Variants in JAZF1 observed in about 807,000 individuals in gnomAD.
JAZF1 encodes the protein JAZF zinc finger 1, also known as juxtaposed with another zinc finger protein 1.
A neutral mutation model predicts 26.4 loss-of-function variants in JAZF1; 8 were observed. The observed-to-expected ratio is 0.30, with a 90% CI of 0.18 to 0.55. The LOEUF (loss-of-function observed/expected upper bound fraction) is 0.55, where lower values mean the gene tolerates loss of function less well. Among genes scored for constraint, JAZF1 ranks in the 20% least tolerant of loss-of-function variants. The pLI is 0.94. For missense variants in JAZF1, 199 were observed against 322.0 expected (o/e 0.62, Z 2.92); for synonymous variants, 126 against 122.3 (o/e 1.03, Z -0.20).
At chr7:27,853,552 T>C (rs911658878) in intron 3 of JAZF1, among the ~76,000 whole-genome samples, 2 of 152,222 alleles carry the variant, frequency 1.3e-5, no homozygotes, top group African/African-American at 4.8e-5. Flanking sequence ...GACCCTGAAC[T>C]GAAATAAGCG....
intron 3 of JAZF1, among the ~76,000 whole-genome samples, chr7:27,853,081 C>T (rs73083352): frequency 0.075 from 11,467 of 152,246 alleles, 634 homozygotes; most frequent in Middle Eastern, 0.12. Flanking sequence ...CAGTCTTTGA[C>T]GTGGCATTTA....
chr7:28,142,091 A>T (rs1361899388), intron 1 of JAZF1, among the ~76,000 whole-genome samples: 1 of 152,236 alleles, frequency 6.6e-6, no homozygotes, highest in Non-Finnish European at 1.5e-5. Flanking sequence ...AATAAAATTA[A>T]TTTAAAAATA....
At chr7:28,105,427 A>G (rs1403798544) in intron 1 of JAZF1, among the ~76,000 whole-genome samples, 1 of 152,206 alleles carries the variant, frequency 6.6e-6, no homozygotes, top group Non-Finnish European at 1.5e-5. Context: ...CTGAACACAT[A>G]ACGGTTTTCG....
At chr7:27,997,010 G>A (rs943557368) in intron 1 of JAZF1, among the ~76,000 whole-genome samples, 1 of 152,164 alleles carries the variant, frequency 6.6e-6, no homozygotes, top group Admixed American at 6.5e-5. Context: ...AACTAACCAA[G>A]GATAGAAGAA....
At chr7:27,864,783 C>A (rs763789333) in intron 3 of JAZF1, among the ~76,000 whole-genome samples, 1 of 152,166 alleles carries the variant, frequency 6.6e-6, no homozygotes, top group Non-Finnish European at 1.5e-5. Flanking sequence ...AGAGAGACAC[C>A]TTTCCCCATC....
chr7:27,914,922 C>A (rs1176025032), intron 2 of JAZF1: 2 of 438,956 alleles, frequency 4.6e-6, no homozygotes, highest in Non-Finnish European at 9.5e-6. Context: ...AACCAGAGCG[C>A]CATTTACTTT....
chr7:27,837,830 CCT>C (rs1282236966), intron 4 of JAZF1, among the ~76,000 whole-genome samples: 1 of 152,132 alleles, frequency 6.6e-6, no homozygotes, highest in African/African-American at 2.4e-5. Flanking sequence ...CCCTGCTCTC[CCT>C]CTGTGTGCCT....
At chr7:27,868,035 C>G (rs902599746) in intron 3 of JAZF1, among the ~76,000 whole-genome samples, 2 of 152,190 alleles carry the variant, frequency 1.3e-5, no homozygotes, top group Admixed American at 1.3e-4. Context: ...GTGACTCAGG[C>G]AAGACATTCA....
At chr7:27,859,515 T>A (rs1783336822) in intron 3 of JAZF1, among the ~76,000 whole-genome samples, 1 of 152,206 alleles carries the variant, frequency 6.6e-6, no homozygotes, top group Non-Finnish European at 1.5e-5. Context: ...GTGGCACATA[T>A]ACACCATGGA....
intron 1 of JAZF1, among the ~76,000 whole-genome samples, chr7:28,062,561 C>T (rs1783817690): frequency 2.2e-5 from 3 of 136,224 alleles, no homozygotes; most frequent in African/African-American, 3.1e-5. Context: ...CCGTGATACT[C>T]CAAGTGCCCA....
At chr7:27,893,215 A>G (rs1292213811) in intron 3 of JAZF1, among the ~76,000 whole-genome samples, 1 of 152,246 alleles carries the variant, frequency 6.6e-6, no homozygotes, top group African/African-American at 2.4e-5. Flanking sequence ...TCATCTCCCC[A>G]AACTTACTAG....
chr7:28,150,506 G>A (rs1325840693), intron 1 of JAZF1, among the ~76,000 whole-genome samples: 4 of 152,238 alleles, frequency 2.6e-5, no homozygotes, highest in Admixed American at 2.0e-4. Context: ...AAATGCCGCC[G>A]TATCTAACTT....
chr7:28,102,506 G>A (rs924563789), intron 1 of JAZF1, among the ~76,000 whole-genome samples: 1 of 151,846 alleles, frequency 6.6e-6, no homozygotes, highest in Non-Finnish European at 1.5e-5. Flanking sequence ...TAAATATCCA[G>A]GCACTATCTG....
intron 1 of JAZF1, among the ~76,000 whole-genome samples, chr7:28,058,668 A>G (rs144058643): frequency 1.1e-3 from 167 of 152,294 alleles, no homozygotes; most frequent in African/African-American, 3.7e-3. Context: ...CATAGATTCT[A>G]TGTATTTTCA....
In JAZF1 at chr7:27,876,400, G is replaced by C. The variant is rs1783680657; in HGVS notation, c.385+18820C>G. Among the ~76,000 whole-genome samples the C allele has an allele frequency of 2.0e-5, 3 of 152,146 alleles. 1 individual carries two copies. In the South Asian group the frequency reaches 6.2e-4, roughly 32 times the overall value. On this transcript the variant is annotated intron_variant, in intron 3 of 4. Coordinates refer to ENST00000283928, the MANE Select transcript of JAZF1 (RefSeq NM_175061.4). ...CACCTTGACTCTTGGGAGAGCATCT[G>C]ATAGGACCTCGAGGGGCATACCATC...
chr7:27,955,066 T>G (rs1289240803), intron 2 of JAZF1, among the ~76,000 whole-genome samples: 1 of 152,234 alleles, frequency 6.6e-6, no homozygotes, highest in Non-Finnish European at 1.5e-5. Flanking sequence ...CCAGGACTTC[T>G]TTCTAATTGA....
intron 1 of JAZF1, among the ~76,000 whole-genome samples, chr7:28,179,941 T>TGCA (rs1007342364): frequency 7.0e-5 from 7 of 99,292 alleles, no homozygotes; most frequent in African/African-American, 1.9e-4. Context: ...TCCCCGCGGC[T>TGCA]GCAGCCGCCG....
chr7:28,111,123 T>C (rs1261850258), intron 1 of JAZF1, among the ~76,000 whole-genome samples: 2 of 152,224 alleles, frequency 1.3e-5, no homozygotes, highest in African/African-American at 2.4e-5. Context: ...GTCTATTTTA[T>C]GCTTGATACA....
At chr7:28,055,726 G>A (rs1783694335) in intron 1 of JAZF1, among the ~76,000 whole-genome samples, 1 of 152,186 alleles carries the variant, frequency 6.6e-6, no homozygotes, top group Non-Finnish European at 1.5e-5. Context: ...CATAGTAGAT[G>A]CACAACGATT....
Sources: gnomAD v4.1 joint callset for allele counts (sites outside exome capture counted in the v4.1 genomes callset) on GRCh38, gnomAD v4.1.1 for gene constraint, MANE v1.5 for transcripts, NCBI Gene and HGNC (gene_info 2026-07-23, HGNC 2026-07-21) for gene names.